P2RX5: variants seen among roughly 807,000 people sequenced by gnomAD.
P2RX5 encodes purinergic receptor P2X 5.
In P2RX5, 46 loss-of-function variants were observed where a neutral mutation model predicts 54.1. The observed-to-expected ratio is 0.85, with a 90% CI of 0.67 to 1.09. The LOEUF (loss-of-function observed/expected upper bound fraction) is 1.09. P2RX5 is among the 50% of genes least tolerant of loss of function. The probability of loss-of-function intolerance (pLI) is 0.00; values close to 1 mark genes in which losing one functional copy is unlikely to be tolerated. For missense variants in P2RX5, 566 were observed against 549.8 expected, an observed-to-expected ratio of 1.03 and a Z score of -0.29; for synonymous variants, 226 against 226.4, an observed-to-expected ratio of 1.00 and a Z score of 0.02.
the P2RX5 span, among the ~76,000 whole-genome samples, chr17:3,706,174 C>T: frequency 6.6e-6 from 1 of 151,992 alleles, no homozygotes; most frequent in African/African-American, 2.4e-5. Context: ...AGGACAGTCT[C>T]GATCTCCTGA....
chr17:3,699,603 G>A (rs1344945631), upstream of P2RX5, among the ~76,000 whole-genome samples: 1 of 151,656 alleles, frequency 6.6e-6, no homozygotes, highest in Admixed American at 6.6e-5. Flanking sequence ...TCAAAAGTTT[G>A]AGACCAGCCT....
At chr17:3,720,220 G>C in the P2RX5 span, 2 of 684,766 alleles carry the variant, frequency 2.9e-6, no homozygotes, top group South Asian at 3.3e-5. Context: ...CTGAAAACAG[G>C]AAGAGGGCAA....
At chr17:3,720,019 G>A in the P2RX5 span, among the ~76,000 whole-genome samples, 1 of 151,994 alleles carries the variant, frequency 6.6e-6, no homozygotes, top group Non-Finnish European at 1.5e-5. Context: ...AGCCACCTGC[G>A]CCCAGCTGCG....
the P2RX5 span, among the ~76,000 whole-genome samples, chr17:3,720,862 C>T: frequency 3.9e-5 from 6 of 152,120 alleles, no homozygotes; most frequent in Non-Finnish European, 8.8e-5. Flanking sequence ...GGATTACAGG[C>T]GTGAGCTGCC....
At chr17:3,706,650 G>A in the P2RX5 span, among the ~76,000 whole-genome samples, 12 of 152,212 alleles carry the variant, frequency 7.9e-5, no homozygotes, top group South Asian at 2.1e-4. Context: ...CAGAGCCTTC[G>A]GGGGTCGGAG....
intron 8 of P2RX5, among the ~76,000 whole-genome samples, chr17:3,688,371 G>C (rs961846491): frequency 6.6e-6 from 1 of 152,210 alleles, no homozygotes; most frequent in African/African-American, 2.4e-5. Context: ...CGGATGGAAA[G>C]GATGCGGCAG....
chr17:3,697,403 C>T (rs2050780824), upstream of P2RX5, among the ~76,000 whole-genome samples: 1 of 152,092 alleles, frequency 6.6e-6, no homozygotes. Flanking sequence ...TGGGTGAGCG[C>T]GGTGTGGTGA....
chr17:3,697,149 G>A (rs2143002768), upstream of P2RX5, among the ~76,000 whole-genome samples: 1 of 152,050 alleles, frequency 6.6e-6, no homozygotes, highest in South Asian at 2.1e-4. Flanking sequence ...CGGGGGTGGG[G>A]GGCAGACGGG....
chr17:3,690,337 T>A, intron 5 of P2RX5, 90 bp downstream of exon 5: 1 of 1,190,964 alleles, frequency 8.4e-7, no homozygotes, highest in South Asian at 1.3e-5. Flanking sequence ...AGCGTGAGGC[T>A]CCCAGAGTGG....
chr17:3,690,998 G>T lies in P2RX5; in HGVS notation c.318C>A (p.Asn106Lys), dbSNP rs762770580. 8.1e-6 allele frequency: 13 copies of T among 1,613,012 alleles called. No homozygotes were observed. The Admixed American group carries it at 1.8e-4, about 23-fold the overall frequency. ...QGENVFFVVT[N>K]LIVTPNQRQN... The stretch of plus-strand genomic sequence containing the variant: ...GCCGCTGGTTGGGGGTCACAATCAG[G>T]TTGGTGACCACAAAAAAGACGTTCT... Residue 106 changes from asparagine (N) to lysine (K), a missense_variant, in exon 3 of 12, where the codon AAC (asparagine) becomes AAA (lysine). Asn to Lys is a moderately conservative substitution (Grantham distance 94). Transcript: ENST00000225328.
At chr17:3,702,212 TA>T in the P2RX5 span, among the ~76,000 whole-genome samples, 1 of 151,952 alleles carries the variant, frequency 6.6e-6, no homozygotes, top group Non-Finnish European at 1.5e-5. Context: ...CAGCACTGTG[TA>T]AAAATGCACC....
chr17:3,680,723 ATCCTCCACCCTGC>A (rs2050246331), intron 10 of P2RX5, among the ~76,000 whole-genome samples: 3 of 73,244 alleles, frequency 4.1e-5, no homozygotes, highest in Non-Finnish European at 8.0e-5. Flanking sequence ...TCCACCCTGC[ATCCTCCACCCTGC>A]GTCCTCCACC....
chr17:3,674,591 A>G (rs2050058514), intron 11 of P2RX5, among the ~76,000 whole-genome samples: 1 of 152,222 alleles, frequency 6.6e-6, no homozygotes, highest in Admixed American at 6.5e-5. Context: ...AGCAAAGTCT[A>G]AAGGGGCAAC....
At chr17:3,693,644 A>G (rs1300012477) in intron 1 of P2RX5, among the ~76,000 whole-genome samples, 7 of 152,202 alleles carry the variant, frequency 4.6e-5, no homozygotes, top group African/African-American at 1.7e-4. Context: ...AGGCTGAGGC[A>G]GGAGAATCTC....
intron 11 of P2RX5, chr17:3,676,178 C>A (rs958108489): frequency 9.1e-6 from 9 of 985,344 alleles, no homozygotes; most frequent in Non-Finnish European, 1.1e-5. Flanking sequence ...AGGTTTCTCA[C>A]CTTGGGTTTA....
At position 3,696,010 on chromosome 17, in the gene P2RX5, C is replaced by A; in HGVS notation, c.-5G>T. The A allele has an allele frequency of 3.7e-6, 6 of 1,613,390 alleles. No homozygotes were observed. The highest frequency in any genetic ancestry group is 5.1e-6 in the Non-Finnish European group (6 of 1,179,656). ...CTTGCAGCCCGCCTGCCCCATGGCG[C>A]GCTCTCAGCCGGGCTTGCGGACCGC... On this transcript the variant is annotated 5_prime_UTR_variant, in exon 1 of 12. Coordinates refer to ENST00000225328, the MANE Select transcript of P2RX5 (RefSeq NM_002561.4).
At chr17:3,715,828 G>A in the P2RX5 span, among the ~76,000 whole-genome samples, 80,207 of 151,628 alleles carry the variant, frequency 0.53, 22,093 homozygotes, top group African/African-American at 0.64. Context: ...GTGCCACTGA[G>A]CTCCAGCTTG....
Position 3,690,605 on chromosome 17 carries a change from C to G in P2RX5, c.436G>C (p.Gly146Arg). 1 of 1,613,604 alleles carries G rather than the reference C, an allele frequency of 6.2e-7. No individual in the cohort carries two copies. The highest frequency in any genetic ancestry group is 8.5e-7 in the Non-Finnish European group (1 of 1,179,990). Residue 146 changes from glycine (G) to arginine (R), a missense_variant and splice_region_variant, in exon 4 of 12, where the codon GGA becomes CGA. Transcript: ENST00000225328. ...GCCCGTGGCCGCTCCAGGCCCTCAC[C>G]GTTTCCAGCTGTAACCGCTTCCCCA... ...HAGEAVTAGN[G>R]VKTGRCLRRE...
intron 11 of P2RX5, chr17:3,678,180 C>G: frequency 1.1e-6 from 1 of 890,616 alleles, no homozygotes; most frequent in Non-Finnish European, 1.3e-6. Context: ...AGAGGACTGT[C>G]GGGAGCCGGT....
Sources: allele counts gnomAD v4.1 joint callset (sites outside exome capture counted in the v4.1 genomes callset), GRCh38; gene constraint gnomAD v4.1.1; transcripts MANE v1.5; gene names NCBI Gene and HGNC (gene_info 2026-07-23, HGNC 2026-07-21).